TRIM2: variants seen among roughly 807,000 people sequenced by gnomAD.
TRIM2 encodes tripartite motif containing 2, also known as tripartite motif-containing protein 2.
Under a neutral mutation model 75.2 loss-of-function variants are expected in TRIM2, and 20 were observed. That is an observed-to-expected ratio of 0.27 (90% confidence interval 0.19 to 0.39). TRIM2 has a LOEUF of 0.39. Among genes scored for constraint, TRIM2 ranks in the 10% least tolerant of loss-of-function variants. The pLI is 1.00. For missense variants in TRIM2, 660 were observed against 990.8 expected (o/e 0.67, Z 4.48); for synonymous variants, 373 against 388.3 (o/e 0.96, Z 0.46).
chr4:153,205,690 T>G (rs1209438979), intron 1 of TRIM2, among the ~76,000 whole-genome samples: 1 of 152,182 alleles, frequency 6.6e-6, no homozygotes, highest in Non-Finnish European at 1.5e-5. Context: ...TTTAATACAT[T>G]TAATGCTTTG....
At chr4:153,272,307 C>G (rs1373391819) in intron 2 of TRIM2, among the ~76,000 whole-genome samples, 1 of 151,942 alleles carries the variant, frequency 6.6e-6, no homozygotes, top group Non-Finnish European at 1.5e-5. Flanking sequence ...TGCCACCACG[C>G]CCAGCTAATT....
upstream of TRIM2, among the ~76,000 whole-genome samples, chr4:153,203,103 CAAAAAAAAAAAAAA>C (rs200371158): frequency 1.1e-5 from 1 of 87,326 alleles, no homozygotes; most frequent in Non-Finnish European, 2.7e-5. Flanking sequence ...GACTCCATCT[CAAAAAAAAAAAAAA>C]AAAAAAAAAA....
intron 1 of TRIM2, among the ~76,000 whole-genome samples, chr4:153,264,850 T>G (rs905733917): frequency 6.6e-6 from 1 of 152,130 alleles, no homozygotes; most frequent in African/African-American, 2.4e-5. Context: ...TTGGAAACCT[T>G]TTGTGTCGAT....
chr4:153,329,132 A>G (rs140421351), intron 11 of TRIM2, among the ~76,000 whole-genome samples: 19 of 152,304 alleles, frequency 1.2e-4, no homozygotes, highest in African/African-American at 4.6e-4. Context: ...TCAAAATTAC[A>G]GTAATTATTA....
At chr4:153,246,929 A>T (rs941267045) in intron 1 of TRIM2, among the ~76,000 whole-genome samples, 1 of 152,316 alleles carries the variant, frequency 6.6e-6, no homozygotes, top group East Asian at 1.9e-4. Context: ...ATGCAATGCC[A>T]ACCTTGAGAG....
intron 1 of TRIM2, among the ~76,000 whole-genome samples, chr4:153,214,049 T>C (rs1194346912): frequency 6.6e-6 from 1 of 152,166 alleles, no homozygotes; most frequent in Non-Finnish European, 1.5e-5. Context: ...GGTACTCTTA[T>C]GATAGTGTCT....
intron 1 of TRIM2, among the ~76,000 whole-genome samples, chr4:153,169,055 G>T (rs531185052): frequency 2.3e-3 from 344 of 152,046 alleles, no homozygotes; most frequent in African/African-American, 7.6e-3. Flanking sequence ...CTCCCACCTG[G>T]ATGACAGAGC....
intron 3 of TRIM2, among the ~76,000 whole-genome samples, chr4:153,290,546 A>T (rs6821136): frequency 6.6e-6 from 1 of 152,178 alleles, no homozygotes; most frequent in African/African-American, 2.4e-5. Flanking sequence ...ATAAGGTGCA[A>T]ATGACCAGTA....
At chr4:153,304,817 AG>A (rs1354432233) in intron 6 of TRIM2, among the ~76,000 whole-genome samples, 1 of 152,228 alleles carries the variant, frequency 6.6e-6, no homozygotes, top group African/African-American at 2.4e-5. Context: ...ATGCACACTA[AG>A]GTTTGGAAAC....
At position 153,270,385 on chromosome 4, in the gene TRIM2, G is replaced by C. The variant is rs1394518195; in HGVS notation, c.81G>C (p.Arg27Ser). ...CCGGCCCCCCATGTCAGTGGTCTAG[G>C]ATGGCCAGTGAAGGCACCAACATCC... ...KTAGPPCQWS[R>S]MASEGTNIPS... The change falls in exon 2 of 12, where the codon AGG becomes AGC. Residue 27 changes from arginine (R) to serine (S), a missense_variant. By Grantham distance (110) the Arg-to-Ser change is moderately radical. Around this residue, in one of 2 missense-constraint regions of TRIM2, gnomAD observed 620 missense variants for 891.0 expected, o/e 0.70. Transcript: ENST00000338700. 6.8e-6 allele frequency: 11 copies of C among 1,613,940 alleles called. No individual in the cohort carries two copies. The highest frequency in any genetic ancestry group is 2.7e-5 in the African/African-American group (2 of 74,924).
At chr4:153,173,784 TG>T (rs1731122204) in intron 1 of TRIM2, among the ~76,000 whole-genome samples, 1 of 150,190 alleles carries the variant, frequency 6.7e-6, no homozygotes. Flanking sequence ...CGGACCAACA[TG>T]GAAAAACCCC....
chr4:153,230,176 C>G (rs980103921), intron 1 of TRIM2, among the ~76,000 whole-genome samples: 1 of 152,052 alleles, frequency 6.6e-6, no homozygotes, highest in Non-Finnish European at 1.5e-5. Flanking sequence ...CGTTTGCCAT[C>G]CACACTATTT....
chr4:153,247,224 C>T lies in TRIM2; in HGVS notation c.31-23111C>T, dbSNP rs142687696. On this transcript the variant is annotated intron_variant, in intron 1 of 11. Coordinates refer to ENST00000338700, the MANE Select transcript of TRIM2 (RefSeq NM_015271.5). ...CAGGTAGGCATGAACAGACTCTCTTCCTTCCTGGGACTGGCCTGGGACTAG... is the reference window on the plus strand; with the variant it reads ...CAGGTAGGCATGAACAGACTCTCTTTCTTCCTGGGACTGGCCTGGGACTAG... Among the ~76,000 whole-genome samples, 352 of 152,298 alleles carry T rather than the reference C, an allele frequency of 2.3e-3. 1 individual carries two copies. The highest frequency in any genetic ancestry group is 3.9e-3 in the Non-Finnish European group (267 of 68,026).
rs753281036 is a variant in TRIM2 at position 153,276,033 on chromosome 4, G to A, written c.356G>A (p.Arg119Gln). The A allele has an allele frequency of 5.0e-6, 8 of 1,614,196 alleles. No homozygotes were observed. Among genetic ancestry groups the A allele is most frequent in the Admixed American group, 1.7e-5 (1 of 60,026 alleles). Residue 119 changes from arginine (R) to glutamine (Q), a missense_variant, in exon 3 of 12, where the codon CGA (arginine) becomes CAA (glutamine). Around this residue, in one of 2 missense-constraint regions of TRIM2, gnomAD observed 620 missense variants for 891.0 expected, o/e 0.70. Coordinates refer to ENST00000338700, the MANE Select transcript of TRIM2 (RefSeq NM_015271.5). ...ACAAACCTGATGGACGTGCTGCAGC[G>A]AACTCCAGGCAGCAACGCTGAGGAG... is the stretch of plus-strand genomic sequence containing the variant. ...FITNLMDVLQ[R>Q]TPGSNAEESS...
At chr4:153,165,062 C>G (rs182495634) in intron 1 of TRIM2, among the ~76,000 whole-genome samples, 2 of 152,294 alleles carry the variant, frequency 1.3e-5, no homozygotes, top group African/African-American at 4.8e-5. Context: ...GTTCCCGACA[C>G]TTTATGGGTT....
chr4:153,252,797 C>A (rs551487333), intron 1 of TRIM2, among the ~76,000 whole-genome samples: 94 of 152,352 alleles, frequency 6.2e-4, no homozygotes, highest in Non-Finnish European at 9.6e-4. Flanking sequence ...CGTAAGCCAC[C>A]ACTCCTGGCC....
intron 1 of TRIM2, among the ~76,000 whole-genome samples, chr4:153,183,023 A>C (rs1579370886): frequency 6.6e-6 from 1 of 152,202 alleles, no homozygotes. Flanking sequence ...GGAACATACT[A>C]AAGATTTGAT....
intron 6 of TRIM2, among the ~76,000 whole-genome samples, chr4:153,307,632 G>A (rs1202509044): frequency 6.6e-6 from 1 of 152,108 alleles, no homozygotes; most frequent in Non-Finnish European, 1.5e-5. Flanking sequence ...CTAAAATGAG[G>A]TTGGGGGCAA....
chr4:153,326,568 A>G (rs553868798), intron 10 of TRIM2, among the ~76,000 whole-genome samples: 5 of 152,374 alleles, frequency 3.3e-5, no homozygotes, highest in African/African-American at 1.2e-4. Flanking sequence ...TATCTGCAGA[A>G]TATATTTTCT....
Sources: allele counts gnomAD v4.1 joint callset (sites outside exome capture counted in the v4.1 genomes callset), GRCh38; gene constraint gnomAD v4.1.1; regional missense constraint gnomAD v4.1.1; transcripts MANE v1.5; gene names NCBI Gene and HGNC (gene_info 2026-07-23, HGNC 2026-07-21).